The following PLXNA4 variants were observed in gnomAD, a reference collection of about 807,000 sequenced individuals.
PLXNA4 encodes the protein plexin A4.
PLXNA4 carries 44 observed loss-of-function variants against 191.8 expected under a neutral mutation model. The observed-to-expected ratio is 0.23, with a 90% CI of 0.18 to 0.29. The LOEUF is 0.29. PLXNA4 is among the 10% of genes least tolerant of loss of function. The pLI is 1.00. For synonymous variants in PLXNA4, 1,082 were observed against 1,009.5 expected, an observed-to-expected ratio of 1.07 and a Z score of -1.36; for missense variants, 1,800 against 2,488.8, an observed-to-expected ratio of 0.72 and a Z score of 5.89.
At chr7:132,271,858 C>T (rs1800088453) in intron 4 of PLXNA4, among the ~76,000 whole-genome samples, 1 of 151,986 alleles carries the variant, frequency 6.6e-6, no homozygotes, top group Non-Finnish European at 1.5e-5. Context: ...AAACTACAGG[C>T]TCAAATTACG....
At chr7:132,502,083 A>G (rs929690571) in intron 2 of PLXNA4, among the ~76,000 whole-genome samples, 3 of 152,198 alleles carry the variant, frequency 2.0e-5, no homozygotes, top group Admixed American at 6.5e-5. Flanking sequence ...AAACACCCCA[A>G]GAAGACCTGC....
chr7:132,466,238 G>A (rs978346158), intron 3 of PLXNA4, among the ~76,000 whole-genome samples: 14 of 152,144 alleles, frequency 9.2e-5, no homozygotes, highest in Non-Finnish European at 1.0e-4. Context: ...GACATTTTTT[G>A]GAGGCTGTAG....
At chr7:132,326,495 A>C (rs1802362886) in intron 3 of PLXNA4, among the ~76,000 whole-genome samples, 1 of 150,184 alleles carries the variant, frequency 6.7e-6, no homozygotes, top group African/African-American at 2.5e-5. Flanking sequence ...TCTCTGTCCT[A>C]CTCTTGCCCC....
At chr7:132,507,006 C>A (rs1798490293) in intron 2 of PLXNA4, among the ~76,000 whole-genome samples, 1 of 152,214 alleles carries the variant, frequency 6.6e-6, no homozygotes, top group Non-Finnish European at 1.5e-5. Context: ...TAAAAACACA[C>A]CTCTCCTGAA....
At chr7:132,393,834 A>G (rs1793626716) in intron 3 of PLXNA4, among the ~76,000 whole-genome samples, 1 of 152,202 alleles carries the variant, frequency 6.6e-6, no homozygotes, top group South Asian at 2.1e-4. Flanking sequence ...ACACTAAGCC[A>G]TCTTCAGACC....
At chr7:132,428,608 C>T (rs1381549714) in intron 3 of PLXNA4, among the ~76,000 whole-genome samples, 1 of 151,968 alleles carries the variant, frequency 6.6e-6, no homozygotes, top group Non-Finnish European at 1.5e-5. Context: ...GCTACCCCTG[C>T]TACTCAGACA....
rs11375919 is a variant in PLXNA4, at chr7:132,378,847, CTTTTTTTTTT to C, written c.1372-80635_1372-80626del. 2.5e-5 allele frequency among the ~76,000 whole-genome samples: 3 copies of C among 119,050 alleles called. No individual in the cohort carries two copies. In the Admixed American group the frequency reaches 2.8e-4, roughly 11 times the overall value. 78.1% of individuals were successfully genotyped at this position (119,050 alleles called of 152,430 possible). On this transcript the variant is annotated intron_variant, in intron 3 of 31. Coordinates refer to ENST00000321063, the MANE Select transcript of PLXNA4 (RefSeq NM_020911.2). ...GACAATTCTGAAATGGGCACTGGAT[CTTTTTTTTTT>C]TTTTTTTTTTGAAATGGAGTCTCAC...
chr7:132,486,190 G>A (rs1252091513), intron 3 of PLXNA4, among the ~76,000 whole-genome samples: 4 of 152,238 alleles, frequency 2.6e-5, no homozygotes, highest in East Asian at 1.9e-4. Flanking sequence ...TTATTCTCAC[G>A]CCCTGGCCTC....
chr7:132,354,084 C>T (rs1264445377), intron 3 of PLXNA4, among the ~76,000 whole-genome samples: 1 of 152,142 alleles, frequency 6.6e-6, no homozygotes, highest in African/African-American at 2.4e-5. Flanking sequence ...CCCAAGGGGA[C>T]ATCAAAGGAG....
At chr7:132,633,496 T>C (rs1008259413) in intron 2 of PLXNA4, among the ~76,000 whole-genome samples, 2 of 152,116 alleles carry the variant, frequency 1.3e-5, no homozygotes, top group Non-Finnish European at 2.9e-5. Context: ...TTGGCAAGGA[T>C]GGTCTTGATT....
Position 132,204,889 on chromosome 7 carries a change from C to T in PLXNA4, c.2299-1470G>A, listed in dbSNP as rs144304462. ...TGACATTGCCCTCATACAGCAACCACGGGGGGATGTACCTCCAGCCACTCC... is the reference window on the plus strand; with the variant it reads ...TGACATTGCCCTCATACAGCAACCATGGGGGGATGTACCTCCAGCCACTCC... On this transcript the variant is annotated intron_variant, in intron 10 of 31. Transcript: ENST00000321063. Among the ~76,000 whole-genome samples, 803 of 152,282 alleles carry T rather than the reference C, an allele frequency of 5.3e-3. 4 individuals are homozygous for T. Among genetic ancestry groups the T allele is most frequent in the African/African-American group, 0.017 (708 of 41,546 alleles).
At chr7:132,319,295 C>A (rs1363484289) in intron 3 of PLXNA4, among the ~76,000 whole-genome samples, 1 of 152,116 alleles carries the variant, frequency 6.6e-6, no homozygotes, top group Non-Finnish European at 1.5e-5. Flanking sequence ...GAGGTGGAGC[C>A]CAGGAACGTG....
chr7:132,335,270 T>A (rs552971555), intron 3 of PLXNA4, among the ~76,000 whole-genome samples: 1 of 152,340 alleles, frequency 6.6e-6, no homozygotes, highest in African/African-American at 2.4e-5. Flanking sequence ...GGATGAACAA[T>A]ATGAACATTT....
At chr7:132,306,006 A>G (rs1801506102) in intron 3 of PLXNA4, among the ~76,000 whole-genome samples, 1 of 152,138 alleles carries the variant, frequency 6.6e-6, no homozygotes, top group Non-Finnish European at 1.5e-5. Context: ...GGAACAGAGC[A>G]AACCTGGAGG....
rs1797610088 is a variant in PLXNA4 at position 132,206,209 on chromosome 7, T to C, written c.2299-2790A>G. ...GGATTGGCATAAGGATTCAAGATCA[T>C]GCACAGCATGCTCCGAGCATAGTAT... is the stretch of plus-strand genomic sequence containing the variant. On this transcript the variant is annotated intron_variant, in intron 10 of 31. Transcript: ENST00000321063. Among the ~76,000 whole-genome samples, 5 of 152,364 alleles carry C rather than the reference T, an allele frequency of 3.3e-5. 1 individual carries two copies. In the South Asian group the frequency reaches 1.0e-3, roughly 32 times the overall value.
At chr7:132,618,985 T>G (rs1051475084) in intron 2 of PLXNA4, among the ~76,000 whole-genome samples, 1 of 152,084 alleles carries the variant, frequency 6.6e-6, no homozygotes, top group African/African-American at 2.4e-5. Context: ...GGACAGAAAT[T>G]ATTTGGAAAT....
chr7:132,310,896 G>A (rs1801703967), intron 3 of PLXNA4, among the ~76,000 whole-genome samples: 1 of 152,134 alleles, frequency 6.6e-6, no homozygotes, highest in Non-Finnish European at 1.5e-5. Context: ...TATGACAAGG[G>A]GCAGAGGTGC....
chr7:132,631,756 A>G (rs1803494520), intron 2 of PLXNA4, among the ~76,000 whole-genome samples: 1 of 152,182 alleles, frequency 6.6e-6, no homozygotes, highest in African/African-American at 2.4e-5. Context: ...TGGGATGATT[A>G]AATCTATGCT....
intron 3 of PLXNA4, among the ~76,000 whole-genome samples, chr7:132,411,291 T>C (rs1294592482): frequency 6.6e-6 from 1 of 152,164 alleles, no homozygotes; most frequent in Non-Finnish European, 1.5e-5. Context: ...TCTGAACGGG[T>C]ATCTTCCACC....
Sources: gnomAD v4.1 joint callset for allele counts (sites outside exome capture counted in the v4.1 genomes callset) on GRCh38, gnomAD v4.1.1 for gene constraint, MANE v1.5 for transcripts, NCBI Gene and HGNC (gene_info 2026-07-23, HGNC 2026-07-21) for gene names.